The following HSPA4L variants were observed in gnomAD, a reference collection of about 807,000 sequenced individuals.
HSPA4L encodes the protein heat shock 70 kDa protein 4L.
Under a neutral mutation model 100.3 loss-of-function variants are expected in HSPA4L, and 48 were observed. The ratio of observed to expected loss-of-function variants is 0.48; its 90% CI spans 0.38 to 0.61. The LOEUF is 0.61. Among genes scored for constraint, HSPA4L ranks in the 20% least tolerant of loss-of-function variants. The pLI is 0.00. For missense variants in HSPA4L, 886 were observed against 988.6 expected, an observed-to-expected ratio of 0.90 and a Z score of 1.39; for synonymous variants, 319 against 328.2, an observed-to-expected ratio of 0.97 and a Z score of 0.30.
chr4:127,827,181 T>G (rs1733968843), intron 16 of HSPA4L, 124 bp from the exon 17 acceptor site: 2 of 733,726 alleles, frequency 2.7e-6, no homozygotes, highest in South Asian at 4.5e-5. Flanking sequence ...TACAGGAAAA[T>G]AAGAGGGGAT....
At chr4:127,781,938 G>A (rs1051584971), upstream of HSPA4L, 16 of 404,646 alleles carry the variant, frequency 4.0e-5, 1 homozygote, top group South Asian at 1.2e-4. Context: ...GCCTCCGGTT[G>A]CCAAAACAAC....
chr4:127,824,625 T>C (rs1007783562), intron 16 of HSPA4L, among the ~76,000 whole-genome samples: 9 of 152,220 alleles, frequency 5.9e-5, no homozygotes, highest in Admixed American at 5.9e-4. Flanking sequence ...GGAGTCACCC[T>C]CTTCTCCTGC....
chr4:127,801,959 A>G (rs1376572806), intron 6 of HSPA4L, 41 bp downstream of exon 6: 1 of 1,503,024 alleles, frequency 6.7e-7, no homozygotes, highest in Non-Finnish European at 9.0e-7. Flanking sequence ...ATATGTTAAG[A>G]ACACAGACTA....
intron 12 of HSPA4L, among the ~76,000 whole-genome samples, chr4:127,817,854 T>G (rs1296927898): frequency 6.6e-6 from 1 of 152,186 alleles, no homozygotes; most frequent in Non-Finnish European, 1.5e-5. Flanking sequence ...CTATTTTATT[T>G]ATTTTTATTA....
rs1734141276 is a variant in HSPA4L, at chr4:127,833,622, G to A, written c.*748G>A. ...ACAATGCTAGCCTAAAGATACAGGA[G>A]TCTCTGACAAAATGACTTTCATGTT... On this transcript the variant is annotated 3_prime_UTR_variant, in exon 19 of 19. Coordinates refer to ENST00000296464, the MANE Select transcript of HSPA4L (RefSeq NM_014278.4). 6.6e-6 allele frequency: 1 copy of A among 152,138 alleles called. No individual in the cohort carries two copies. Among genetic ancestry groups the A allele is most frequent in the African/African-American group, 2.4e-5 (1 of 41,450 alleles). The allele number at this position is 152,138 out of a possible 1,614,324, so 9.4% of individuals were successfully genotyped here.
chr4:127,782,069 G>A, upstream of HSPA4L: 1 of 455,414 alleles, frequency 2.2e-6, no homozygotes, highest in Non-Finnish European at 4.4e-6. Flanking sequence ...AATGTGCCTA[G>A]CCTCCTTTCC....
chr4:127,827,800 T>G (rs957677614), intron 17 of HSPA4L, among the ~76,000 whole-genome samples: 15 of 151,576 alleles, frequency 9.9e-5, no homozygotes, highest in Admixed American at 5.9e-4. Flanking sequence ...TCTGCTAGCC[T>G]TTATTTTGTT....
In HSPA4L at chr4:127,827,335, A is replaced by G. The variant is rs1444513341; in HGVS notation, c.2077A>G (p.Met693Val). 3 of 1,613,602 alleles carry G rather than the reference A, an allele frequency of 1.9e-6. No homozygotes were observed. The highest frequency in any genetic ancestry group is 2.7e-5 in the African/African-American group (2 of 74,932). Residue 693 changes from methionine to valine, a missense_variant, in exon 17 of 19, where the codon ATG becomes GTG. Transcript: ENST00000296464. ...KYGQPIQMKY[M>V]EHEERPKALN... ...CGGCCAGCCTATTCAAATGAAGTAC[A>G]TGGAGCATGAAGAGAGACCAAAAGC...
At position 127,840,683 on chromosome 4, in the gene HSPA4L, A is replaced by T. The variant is rs926728938; in HGVS notation, c.*7809A>T. On this transcript the variant is annotated 3_prime_UTR_variant, in exon 19 of 19. Transcript: ENST00000296464. Reference sequence around the variant, plus strand: ...TTTTTGGATGGCAGTACACATTGTTAACAATCGTGTAATTATAATAAATAT... The same window carrying T: ...TTTTTGGATGGCAGTACACATTGTTTACAATCGTGTAATTATAATAAATAT... 5 of 152,222 alleles carry T rather than the reference A, an allele frequency of 3.3e-5. No individual in the cohort carries two copies. The highest frequency in any genetic ancestry group is 7.3e-5 in the Non-Finnish European group (5 of 68,028). 9.4% of individuals were successfully genotyped at this position (152,222 alleles called of 1,614,324 possible).
chr4:127,805,980 T>C (rs915919607), intron 10 of HSPA4L, among the ~76,000 whole-genome samples, 187 bp downstream of exon 10: 1 of 152,020 alleles, frequency 6.6e-6, no homozygotes, highest in Non-Finnish European at 1.5e-5. Flanking sequence ...TAAATTTATG[T>C]TTTTTATAAA....
chr4:127,783,703 C>T (rs1697345587), intron 1 of HSPA4L: 1 of 1,531,664 alleles, frequency 6.5e-7, no homozygotes, highest in Non-Finnish European at 8.7e-7. Context: ...CTTAATTTGA[C>T]CGTTCTGAAT....
In HSPA4L at chr4:127,832,740, C is replaced by T; in HGVS notation, c.2386C>T (p.Pro796Ser). 6.2e-7 allele frequency: 1 copy of T among 1,613,190 alleles called. No homozygotes were observed. Among genetic ancestry groups the T allele is most frequent in the Non-Finnish European group, 8.5e-7 (1 of 1,179,498 alleles). The change falls in exon 19 of 19, where the codon CCT (proline) becomes TCT (serine). Residue 796 changes from proline to serine, a missense_variant. Physicochemically the swap from Pro to Ser is moderately conservative, Grantham distance 74 (BLOSUM62 -1). Transcript: ENST00000296464. ...CAAGCCCAAACCAAAAGCAGAAGTT[C>T]CTGAAGACAAACCAAAAGCTAATAG... Reference protein sequence around the residue: ...IYKPKPKAEVPEDKPKANSEH... With the variant: ...IYKPKPKAEVSEDKPKANSEH...
intron 16 of HSPA4L, among the ~76,000 whole-genome samples, chr4:127,824,932 T>A (rs916670064): frequency 6.6e-6 from 1 of 152,184 alleles, no homozygotes; most frequent in South Asian, 2.1e-4. Flanking sequence ...GTCAGGAGAT[T>A]GAGACCATCC....
intron 11 of HSPA4L, chr4:127,809,337 G>C: frequency 8.7e-7 from 1 of 1,143,878 alleles, no homozygotes; most frequent in Non-Finnish European, 1.3e-6. Context: ...CTGGGATCAC[G>C]CTGAGCCGCA....
intron 12 of HSPA4L, among the ~76,000 whole-genome samples, chr4:127,813,951 CTTTTTT>C (rs1295270235): frequency 6.6e-6 from 1 of 151,898 alleles, no homozygotes; most frequent in African/African-American, 2.4e-5. Context: ...GCTCATTTAT[CTTTTTT>C]TAAGTATTTC....
intron 4 of HSPA4L, 38 bp from the exon 5 acceptor site, chr4:127,801,100 A>C (rs753518545): frequency 2.0e-5 from 29 of 1,446,886 alleles, no homozygotes; most frequent in Middle Eastern, 1.7e-4. Flanking sequence ...AAATGTTTAC[A>C]TAAAACATTA....
At position 127,797,045 on chromosome 4, in the gene HSPA4L, G is replaced by T. The variant is rs964639580; in HGVS notation, c.306+1137G>T. 3.3e-5 allele frequency among the ~76,000 whole-genome samples: 5 copies of T among 152,206 alleles called. No homozygotes were observed. In the East Asian group the frequency reaches 9.6e-4, roughly 29 times the overall value. The stretch of plus-strand genomic sequence containing the variant: ...GTACACAGTTCCATTTTTAGAAGAG[G>T]GTTCTGACTAAAAGGTGGATGATGA... On this transcript the variant is annotated intron_variant, in intron 3 of 18. Coordinates refer to ENST00000296464, the MANE Select transcript of HSPA4L (RefSeq NM_014278.4).
chr4:127,826,138 G>T lies in HSPA4L; in HGVS notation c.2047-1167G>T, dbSNP rs1733944113. 3.3e-5 allele frequency among the ~76,000 whole-genome samples: 5 copies of T among 152,122 alleles called. 1 individual carries two copies. The highest frequency in any genetic ancestry group is 3.3e-4 in the Admixed American group (5 of 15,276). ...ATTTAAAATGGTGGCTAGGAGCAGT[G>T]AATCACACCTGTAATGTTGGCACTT... On this transcript the variant is annotated intron_variant, in intron 16 of 18. Coordinates refer to ENST00000296464, the MANE Select transcript of HSPA4L (RefSeq NM_014278.4).
chr4:127,835,192 A>ATT lies in HSPA4L; in HGVS notation c.*2319_*2320insTT. On this transcript the variant is annotated 3_prime_UTR_variant, in exon 19 of 19. Transcript: ENST00000296464. Reference sequence around the variant, plus strand: ...TTTCAGAAATTATTTTAAAAGATGCATAGTAAAACAGTGTTTTCCTATGGT... The same window carrying ATT: ...TTTCAGAAATTATTTTAAAAGATGCATTTAGTAAAACAGTGTTTTCCTATGGT... 6.6e-6 allele frequency: 1 copy of ATT among 151,516 alleles called. No individual in the cohort carries two copies. The highest frequency in any genetic ancestry group is 2.1e-4 in the South Asian group (1 of 4,818). The allele number at this position is 151,516 out of a possible 1,614,324, so 9.4% of individuals were successfully genotyped here. A position where few individuals can be genotyped will look rare whatever the true frequency, so the allele number is the denominator to read the frequency against.
Sources: gnomAD v4.1 joint callset for allele counts (sites outside exome capture counted in the v4.1 genomes callset) on GRCh38, gnomAD v4.1.1 for gene constraint, MANE v1.5 for transcripts, NCBI Gene and HGNC (gene_info 2026-07-23, HGNC 2026-07-21) for gene names.